WDR70: variants seen among roughly 807,000 people sequenced by gnomAD.
The protein encoded by WDR70 is WD repeat-containing protein 70.
Under a neutral mutation model 88.6 loss-of-function variants are expected in WDR70, and 53 were observed. The ratio of observed to expected loss-of-function variants is 0.60; its 90% CI spans 0.48 to 0.75. The LOEUF (loss-of-function observed/expected upper bound fraction) is 0.75, where lower values mean the gene tolerates loss of function less well. Ranked by LOEUF, WDR70 falls within the 30% of genes least tolerant of loss-of-function variation. The probability of loss-of-function intolerance (pLI) is 0.00; values close to 1 mark genes in which losing one functional copy is unlikely to be tolerated. For missense variants in WDR70, 610 were observed against 823.2 expected, an observed-to-expected ratio of 0.74 and a Z score of 3.17; for synonymous variants, 280 against 270.0, an observed-to-expected ratio of 1.04 and a Z score of -0.36.
At chr5:37,445,624 G>A (rs1246209874) in intron 7 of WDR70, among the ~76,000 whole-genome samples, 1 of 152,180 alleles carries the variant, frequency 6.6e-6, no homozygotes, top group Non-Finnish European at 1.5e-5. Context: ...GGGATGCAAA[G>A]CTGGCTCAAC....
intron 7 of WDR70, among the ~76,000 whole-genome samples, chr5:37,457,194 C>T (rs1180941751): frequency 6.6e-6 from 1 of 152,114 alleles, no homozygotes; most frequent in African/African-American, 2.4e-5. Context: ...CTCCTGGGTT[C>T]AAGCAATTCT....
chr5:37,723,278 G>A (rs16903703), intron 15 of WDR70: 2 of 244,246 alleles, frequency 8.2e-6, no homozygotes, highest in African/African-American at 4.5e-5. Context: ...GGTTTGTCCA[G>A]TTCCACCACT....
intron 17 of WDR70, among the ~76,000 whole-genome samples, chr5:37,742,852 C>G (rs183484817): frequency 6.6e-6 from 1 of 152,188 alleles, no homozygotes; most frequent in Non-Finnish European, 1.5e-5. Flanking sequence ...CCTACCTGAC[C>G]AACAGAATGA....
intron 17 of WDR70, among the ~76,000 whole-genome samples, chr5:37,736,802 C>T (rs1323945446): frequency 6.6e-6 from 1 of 151,844 alleles, no homozygotes; most frequent in Non-Finnish European, 1.5e-5. Context: ...TTATGGAAAA[C>T]AACAAATTAT....
chr5:37,587,005 C>T (rs1028485703), intron 9 of WDR70, among the ~76,000 whole-genome samples: 1 of 152,146 alleles, frequency 6.6e-6, no homozygotes, highest in African/African-American at 2.4e-5. Context: ...AGTACCATGA[C>T]TCTAGCCACC....
intron 7 of WDR70, among the ~76,000 whole-genome samples, chr5:37,479,137 A>G (rs1739576203): frequency 6.6e-6 from 1 of 152,136 alleles, no homozygotes; most frequent in African/African-American, 2.4e-5. Flanking sequence ...TTGTAATGAA[A>G]GAGGAGGAGG....
chr5:37,701,005 C>A, intron 11 of WDR70, 53 bp from the exon 12 acceptor site: 2 of 1,186,630 alleles, frequency 1.7e-6, no homozygotes, highest in Non-Finnish European at 2.5e-6. Context: ...GGAGCGAGTT[C>A]TTTTTGCACA....
At chr5:37,382,807 G>A (rs1234533414) in intron 3 of WDR70, among the ~76,000 whole-genome samples, 3 of 152,034 alleles carry the variant, frequency 2.0e-5, no homozygotes, top group Non-Finnish European at 4.4e-5. Flanking sequence ...AAGGTCAGGA[G>A]TTCGTGACCA....
At position 37,484,374 on chromosome 5, in the gene WDR70, G is replaced by A. The variant is rs561880514; in HGVS notation, c.840+4387G>A. ...TGGAGACCAGCCTGGCCAACACAGC[G>A]AAACCCTGTCTCCACCAAAAAAATA... On this transcript the variant is annotated intron_variant, in intron 8 of 17. Transcript: ENST00000265107. Among the ~76,000 whole-genome samples the A allele has an allele frequency of 2.6e-4, 39 of 152,342 alleles. No individual in the cohort carries two copies. In the East Asian group the frequency reaches 7.2e-3, roughly 28 times the overall value.
chr5:37,657,308 C>T (rs989363325), intron 10 of WDR70, among the ~76,000 whole-genome samples: 1 of 152,112 alleles, frequency 6.6e-6, no homozygotes, highest in African/African-American at 2.4e-5. Flanking sequence ...TGCTCGCCCT[C>T]GTGGGCTGTA....
chr5:37,689,255 A>G (rs1746706788), intron 10 of WDR70, among the ~76,000 whole-genome samples: 1 of 152,232 alleles, frequency 6.6e-6, no homozygotes, highest in South Asian at 2.1e-4. Context: ...CTCTGTGGGC[A>G]GGGCATAGCT....
intron 10 of WDR70, among the ~76,000 whole-genome samples, chr5:37,694,388 C>CA (rs1746914492): frequency 6.6e-6 from 1 of 152,202 alleles, no homozygotes; most frequent in Non-Finnish European, 1.5e-5. Flanking sequence ...CCTATAGAGA[C>CA]ACGTGCTCAC....
intron 9 of WDR70, among the ~76,000 whole-genome samples, chr5:37,556,139 CTTT>C (rs200323949): frequency 1.1e-3 from 157 of 143,812 alleles, no homozygotes; most frequent in South Asian, 6.5e-3. Flanking sequence ...TTTTCTTCCT[CTTT>C]TTTTTTTTTT....
At chr5:37,468,183 G>C (rs1383842086) in intron 7 of WDR70, among the ~76,000 whole-genome samples, 1 of 152,194 alleles carries the variant, frequency 6.6e-6, no homozygotes, top group African/African-American at 2.4e-5. Flanking sequence ...CAAACATGCA[G>C]TCTGTAGCAG....
At chr5:37,402,329 T>TGTGTGTGTGTGTGTGTGTGTA in intron 5 of WDR70, among the ~76,000 whole-genome samples, 1 of 147,694 alleles carries the variant, frequency 6.8e-6, no homozygotes, top group African/African-American at 2.5e-5. Context: ...GTGTGTGTGT[T>TGTGTGTGTGTGTGTGTGTGTA]TTAAATTTTT....
intron 5 of WDR70, among the ~76,000 whole-genome samples, chr5:37,422,284 T>A (rs1052557726): frequency 8.2e-5 from 9 of 109,846 alleles, no homozygotes; most frequent in Admixed American, 7.8e-4. Flanking sequence ...GTAGAAAACT[T>A]TCCTTTTTTC....
At chr5:37,722,532 G>A (rs1334407676) in intron 14 of WDR70, 1 of 271,316 alleles carries the variant, frequency 3.7e-6, no homozygotes, top group Admixed American at 4.8e-5. Context: ...GACCTTTAGA[G>A]TGAAAAGGTT....
At chr5:37,430,057 A>G (rs569089404) in intron 5 of WDR70, among the ~76,000 whole-genome samples, 3 of 152,232 alleles carry the variant, frequency 2.0e-5, no homozygotes, top group Non-Finnish European at 4.4e-5. Flanking sequence ...GGTCTTGCAC[A>G]TATTTTAAAA....
rs189553828 is a variant in WDR70 at position 37,698,188 on chromosome 5, A to T, written c.1192+434A>T. Among the ~76,000 whole-genome samples, 596 of 152,212 alleles carry T rather than the reference A, an allele frequency of 3.9e-3. 7 individuals carry two copies. The highest frequency in any genetic ancestry group is 0.014 in the African/African-American group (567 of 41,538). On this transcript the variant is annotated intron_variant, in intron 11 of 17. Coordinates refer to ENST00000265107, the MANE Select transcript of WDR70 (RefSeq NM_018034.4). ...AATACTAACCCAATTTAGTTTTTTTAAAAAAGTCTATATCTAGATGAGATT... is the reference window on the plus strand; with the variant it reads ...AATACTAACCCAATTTAGTTTTTTTTAAAAAGTCTATATCTAGATGAGATT...
Sources: gnomAD v4.1 joint callset for allele counts (sites outside exome capture counted in the v4.1 genomes callset) on GRCh38, gnomAD v4.1.1 for gene constraint, MANE v1.5 for transcripts, NCBI Gene and HGNC (gene_info 2026-07-23, HGNC 2026-07-21) for gene names.